Variants in ESR1 observed in about 807,000 individuals in gnomAD.
ESR1 encodes estrogen receptor.
ESR1 carries 12 observed loss-of-function variants against 52.7 expected under a neutral mutation model. The ratio of observed to expected loss-of-function variants is 0.23; its 90% CI spans 0.15 to 0.37. ESR1 has a LOEUF of 0.37. Ranked by LOEUF, ESR1 falls within the 10% of genes least tolerant of loss-of-function variation. The pLI is 1.00. For missense variants in ESR1, 584 were observed against 779.7 expected (o/e 0.75, Z 2.99); for synonymous variants, 305 against 316.8 (o/e 0.96, Z 0.39).
At chr6:151,837,824 CAA>C (rs1461283799) in intron 1 of ESR1, among the ~76,000 whole-genome samples, 2 of 152,064 alleles carry the variant, frequency 1.3e-5, no homozygotes, top group Non-Finnish European at 2.9e-5. Context: ...AAGAATTTTA[CAA>C]GGAAGGAGGT....
rs145545436 is a variant in ESR1 at position 151,973,118 on chromosome 6, C to T, written c.1096+28610C>T. 9.6e-3 allele frequency among the ~76,000 whole-genome samples: 1,462 copies of T among 152,294 alleles called. 28 individuals are homozygous for T. Among genetic ancestry groups the T allele is most frequent in the African/African-American group, 0.03 (1,245 of 41,556 alleles). ...CTTTGGCAACATCCTCACAGATACA[C>T]CCAGGAGCAATACTTTGCATCCTTC... On this transcript the variant is annotated intron_variant, in intron 4 of 7. Transcript: ENST00000206249.
intron 2 of ESR1, among the ~76,000 whole-genome samples, chr6:151,736,247 TTAACTC>T (rs1782646173): frequency 7.1e-6 from 1 of 139,996 alleles, no homozygotes; most frequent in South Asian, 2.3e-4. Context: ...CATTTGCTTT[TTAACTC>T]TAAGTTACAT....
intron 1 of ESR1, among the ~76,000 whole-genome samples, chr6:151,814,474 C>T (rs9340779): frequency 0.015 from 2,329 of 151,732 alleles, 56 homozygotes; most frequent in African/African-American, 0.054. Context: ...TTTCTTTCAC[C>T]TTTTCTGGTT....
At chr6:152,027,769 C>T (rs148245462) in intron 5 of ESR1, among the ~76,000 whole-genome samples, 52 of 152,224 alleles carry the variant, frequency 3.4e-4, no homozygotes, top group African/African-American at 1.3e-3. Context: ...ATTTTAGGTC[C>T]GTTTTCCTAG....
chr6:151,916,964 C>T (rs777611960), intron 3 of ESR1, among the ~76,000 whole-genome samples: 2 of 152,144 alleles, frequency 1.3e-5, no homozygotes, highest in African/African-American at 2.4e-5. Flanking sequence ...AAATCTCCAG[C>T]GAGCATGAAC....
At chr6:151,717,253 C>A (rs1019738849) in intron 2 of ESR1, among the ~76,000 whole-genome samples, 6 of 152,224 alleles carry the variant, frequency 3.9e-5, no homozygotes, top group African/African-American at 1.2e-4. Context: ...AATCACCTGT[C>A]TTCTGCGTTA....
chr6:152,038,695 G>A (rs192245765), intron 5 of ESR1, among the ~76,000 whole-genome samples: 366 of 152,036 alleles, frequency 2.4e-3, no homozygotes, highest in African/African-American at 8.5e-3. Flanking sequence ...GCAGTGGTGC[G>A]ATATTGGCTC....
chr6:151,715,874 T>C (rs956157828), intron 2 of ESR1, among the ~76,000 whole-genome samples: 1 of 152,220 alleles, frequency 6.6e-6, no homozygotes, highest in Non-Finnish European at 1.5e-5. Flanking sequence ...TTTTGTTCCC[T>C]TGCTGGCAAG....
chr6:152,003,303 C>T (rs1240919884), intron 4 of ESR1, among the ~76,000 whole-genome samples: 1 of 151,010 alleles, frequency 6.6e-6, no homozygotes, highest in Non-Finnish European at 1.5e-5. Flanking sequence ...TGTCATCAAA[C>T]AACTTACTTG....
upstream of ESR1, chr6:151,805,905 A>G (rs1012268879): frequency 1.3e-5 from 2 of 152,216 alleles, no homozygotes; most frequent in Non-Finnish European, 2.9e-5. Context: ...GTATCCTAGC[A>G]GGGAGATGAG....
chr6:151,955,629 G>A (rs1229820765), intron 4 of ESR1, among the ~76,000 whole-genome samples: 2 of 151,076 alleles, frequency 1.3e-5, no homozygotes, highest in Non-Finnish European at 2.9e-5. Context: ...TGATACTTGC[G>A]GCTCTGACAG....
intron 3 of ESR1, among the ~76,000 whole-genome samples, chr6:151,885,515 C>A (rs1051823646): frequency 6.6e-6 from 1 of 152,208 alleles, no homozygotes; most frequent in Non-Finnish European, 1.5e-5. Flanking sequence ...TGCTGAACAA[C>A]CTTGTTAAAG....
intron 2 of ESR1, among the ~76,000 whole-genome samples, chr6:151,711,071 T>C (rs1473230949): frequency 1.3e-5 from 2 of 152,206 alleles, no homozygotes; most frequent in African/African-American, 2.4e-5. Flanking sequence ...TACCCAGTAA[T>C]GGGATTGCTG....
chr6:151,932,504 T>C (rs2033791732), intron 3 of ESR1, among the ~76,000 whole-genome samples: 1 of 127,908 alleles, frequency 7.8e-6, no homozygotes, highest in African/African-American at 3.1e-5. Context: ...TTGCTTTTGG[T>C]GTTTTGGACA....
At chr6:151,713,490 C>T (rs1285294553) in intron 2 of ESR1, among the ~76,000 whole-genome samples, 1 of 152,136 alleles carries the variant, frequency 6.6e-6, no homozygotes, top group East Asian at 1.9e-4. Flanking sequence ...GGTTGGTAGG[C>T]TATTAATTCC....
chr6:151,953,349 A>G (rs1404109376), intron 4 of ESR1, among the ~76,000 whole-genome samples: 1 of 152,152 alleles, frequency 6.6e-6, no homozygotes, highest in African/African-American at 2.4e-5. Context: ...TTTCTTTAGG[A>G]GTTGAAGACC....
At chr6:151,862,361 C>T (rs758749520) in intron 2 of ESR1, among the ~76,000 whole-genome samples, 3 of 152,130 alleles carry the variant, frequency 2.0e-5, no homozygotes, top group Non-Finnish European at 4.4e-5. Flanking sequence ...CTCCTCATCC[C>T]ACTAGGTTAA....
chr6:151,965,186 C>T (rs536694264), intron 4 of ESR1, among the ~76,000 whole-genome samples: 64 of 152,234 alleles, frequency 4.2e-4, no homozygotes, highest in African/African-American at 1.5e-3. Context: ...ATCCAAAACT[C>T]GCTATTTTTC....
chr6:151,851,914 T>A (rs1238544171), intron 2 of ESR1, among the ~76,000 whole-genome samples: 1 of 152,162 alleles, frequency 6.6e-6, no homozygotes, highest in African/African-American at 2.4e-5. Flanking sequence ...TGAAGACCAA[T>A]TTGGCTGATA....
Sources: gnomAD v4.1 joint callset for allele counts (sites outside exome capture counted in the v4.1 genomes callset) on GRCh38, gnomAD v4.1.1 for gene constraint, MANE v1.5 for transcripts, NCBI Gene and HGNC (gene_info 2026-07-23, HGNC 2026-07-21) for gene names.